OPRK1: variants seen among roughly 807,000 people sequenced by gnomAD.
The protein encoded by OPRK1 is opioid receptor kappa 1.
Under a neutral mutation model 24.5 loss-of-function variants are expected in OPRK1, and 15 were observed. The ratio of observed to expected loss-of-function variants is 0.61; its 90% CI spans 0.41 to 0.94. The LOEUF (loss-of-function observed/expected upper bound fraction) is 0.94. Ranked by LOEUF, OPRK1 falls within the 40% of genes least tolerant of loss-of-function variation. The probability of loss-of-function intolerance (pLI) is 0.00; values close to 1 mark genes in which losing one functional copy is unlikely to be tolerated. For synonymous variants in OPRK1, 205 were observed against 198.0 expected (o/e 1.04, Z -0.30); for missense variants, 479 against 507.3 (o/e 0.94, Z 0.54).
At position 53,229,323 on chromosome 8, in the gene OPRK1, T is replaced by A; in HGVS notation, c.1117A>T (p.Ile373Phe). Residue 373 changes from isoleucine (I) to phenylalanine (F), a missense_variant, in exon 4 of 4, where the codon ATC becomes TTC. Transcript: ENST00000265572. Reference sequence around the variant, plus strand: ...CATACTGGTTTATTCATCCCATCGATGTCCCTCAGGTAAGCAGGATCCTGA... The same window carrying A: ...CATACTGGTTTATTCATCCCATCGAAGTCCCTCAGGTAAGCAGGATCCTGA... ...TVQDPAYLRD[I>F]DGMNKPV is the part of the protein sequence containing the mutation. 6.2e-7 allele frequency: 1 copy of A among 1,614,028 alleles called. No homozygotes were observed. Among genetic ancestry groups the A allele is most frequent in the Non-Finnish European group, 8.5e-7 (1 of 1,179,888 alleles).
At position 53,234,758 on chromosome 8, in the gene OPRK1, C is replaced by T. The variant is rs746394206; in HGVS notation, c.610+1G>A. ...GAACAGAATGAAATGACTGCTCTTACCTTCCCTGACTTTGGTGCCTCCAAG... is the reference window on the plus strand; with the variant it reads ...GAACAGAATGAAATGACTGCTCTTATCTTCCCTGACTTTGGTGCCTCCAAG... On this transcript the variant is annotated splice_donor_variant, in intron 3 of 3. Transcript: ENST00000265572. LOFTEE classifies it high-confidence loss of function. 5.0e-6 allele frequency: 8 copies of T among 1,607,168 alleles called. No homozygotes were observed. The highest frequency in any genetic ancestry group is 4.4e-5 in the South Asian group (4 of 90,916).
At chr8:53,234,478 C>T (rs951773666) in intron 3 of OPRK1, among the ~76,000 whole-genome samples, 5 of 152,158 alleles carry the variant, frequency 3.3e-5, no homozygotes, top group African/African-American at 9.7e-5. Flanking sequence ...CCTGTGGTTT[C>T]TTACCTCATC....
rs200802656 is a variant in OPRK1 at position 53,227,402 on chromosome 8, G to A, written c.*1895C>T. 2 of 152,014 alleles carry A rather than the reference G, an allele frequency of 1.3e-5. No homozygotes were observed. The highest frequency in any genetic ancestry group is 6.6e-5 in the Admixed American group (1 of 15,244). 9.4% of individuals were successfully genotyped at this position (152,014 alleles called of 1,614,324 possible). A position where few individuals can be genotyped will look rare whatever the true frequency, so the allele number is the denominator to read the frequency against. ...CTCTTGGGTTTTCCTGTTCCATAAA[G>A]AAGTTTTTATATTTCCTATTTCACC... is the stretch of plus-strand genomic sequence containing the variant. On this transcript the variant is annotated 3_prime_UTR_variant, in exon 4 of 4. Coordinates refer to ENST00000265572, the MANE Select transcript of OPRK1 (RefSeq NM_000912.5).
chr8:53,231,504 T>C (rs1806852209), intron 3 of OPRK1, among the ~76,000 whole-genome samples: 1 of 152,200 alleles, frequency 6.6e-6, no homozygotes, highest in Non-Finnish European at 1.5e-5. Flanking sequence ...GTCTCTTAAA[T>C]TGTCCTCTCC....
chr8:53,228,465 T>C lies in OPRK1; in HGVS notation c.*832A>G, dbSNP rs1477193635. 6.6e-6 allele frequency: 1 copy of C among 152,146 alleles called. No homozygotes were observed. Among genetic ancestry groups the C allele is most frequent in the Non-Finnish European group, 1.5e-5 (1 of 68,028 alleles). The allele number at this position is 152,146 out of a possible 1,614,324, so 9.4% of individuals were successfully genotyped here. On this transcript the variant is annotated 3_prime_UTR_variant, in exon 4 of 4. Transcript: ENST00000265572. The stretch of plus-strand genomic sequence containing the variant: ...ATATCATTAGTGTGCCCTCAGGAAA[T>C]TGCCTGGCTGGGAGGCAAGCCTATT...
In OPRK1 at chr8:53,250,930, G is replaced by C. The variant is rs199902624; in HGVS notation, c.108C>G (p.Pro36=). ...SSAWFPGWAE[P]DSNGSAGSED... is the part of the protein sequence containing the mutation. ...CCGAGCCGGCGCTGCCGTTGCTGTC[G>C]GGCTCGGCCCAGCCGGGAAACCAGG... The change falls in exon 2 of 4, where the codon CCC becomes CCG. Residue 36 remains proline, a synonymous_variant. Transcript: ENST00000265572. The C allele has an allele frequency of 3.7e-6, 6 of 1,611,656 alleles. No homozygotes were observed. Among genetic ancestry groups the C allele is most frequent in the Middle Eastern group, 1.7e-4 (1 of 6,054 alleles).
intron 2 of OPRK1, among the ~76,000 whole-genome samples, chr8:53,243,093 T>C (rs536725787): frequency 6.6e-6 from 1 of 152,364 alleles, no homozygotes; most frequent in South Asian, 2.1e-4. Flanking sequence ...AATGTTATTC[T>C]GAAACTATCT....
At chr8:53,238,545 G>A in intron 2 of OPRK1, 1 of 985,146 alleles carries the variant, frequency 1.0e-6, no homozygotes, top group Non-Finnish European at 1.2e-6. Context: ...TGAGCACCGG[G>A]AAGGCTATGG....
In OPRK1 at chr8:53,229,424, C is replaced by A; in HGVS notation, c.1016G>T (p.Arg339Leu). The A allele has an allele frequency of 6.2e-7, 1 of 1,614,178 alleles. No individual in the cohort carries two copies. Among genetic ancestry groups the A allele is most frequent in the Non-Finnish European group, 8.5e-7 (1 of 1,180,042 alleles). Residue 339 changes from arginine (R) to leucine (L), a missense_variant, in exon 4 of 4, where the codon CGG becomes CTG. By Grantham distance (102) the Arg-to-Leu change is moderately radical. Coordinates refer to ENST00000265572, the MANE Select transcript of OPRK1 (RefSeq NM_000912.5). ...LYAFLDENFK[R>L]CFRDFCFPLK... ...TGGAAAGCAGAAGTCCCGGAAACAC[C>A]GCTTGAAGTTTTCATCAAGAAAGGC... is the stretch of plus-strand genomic sequence containing the variant.
chr8:53,228,072 G>A lies in OPRK1; in HGVS notation c.*1225C>T, dbSNP rs1036495971. ...ATCCTCAGCAGGTATGCCCTTCACA[G>A]AATGCCATGCAGGATGTGTCCTGGC... On this transcript the variant is annotated 3_prime_UTR_variant, in exon 4 of 4. Coordinates refer to ENST00000265572, the MANE Select transcript of OPRK1 (RefSeq NM_000912.5). 2 of 152,184 alleles carry A rather than the reference G, an allele frequency of 1.3e-5. No homozygotes were observed. Among genetic ancestry groups the A allele is most frequent in the African/African-American group, 2.4e-5 (1 of 41,440 alleles). The allele number at this position is 152,184 out of a possible 1,614,324, so 9.4% of individuals were successfully genotyped here.
rs141443289 is a variant in OPRK1, at chr8:53,246,138, G to C, written c.257+4643C>G. On this transcript the variant is annotated intron_variant, in intron 2 of 3. Coordinates refer to ENST00000265572, the MANE Select transcript of OPRK1 (RefSeq NM_000912.5). ...GAGCATTTAGGAAACCTCAGAGGAA[G>C]GGCAATCTGTGCAGGGGAGCAAGGA... is the stretch of plus-strand genomic sequence containing the variant. Among the ~76,000 whole-genome samples, 11 of 152,314 alleles carry C rather than the reference G, an allele frequency of 7.2e-5. No homozygotes were observed. In the East Asian group the frequency reaches 2.1e-3, roughly 29 times the overall value.
rs11988467 is a variant in OPRK1 at position 53,228,964 on chromosome 8, G to A, written c.*333C>T. 0.23 allele frequency: 42,317 copies of A among 185,812 alleles called. 6,799 individuals carry two copies. Among genetic ancestry groups the A allele is most frequent in the African/African-American group, 0.48 (20,459 of 42,754 alleles). 11.5% of individuals were successfully genotyped at this position (185,812 alleles called of 1,614,324 possible). A position where few individuals can be genotyped will look rare whatever the true frequency, so the allele number is the denominator to read the frequency against. On this transcript the variant is annotated 3_prime_UTR_variant, in exon 4 of 4. Coordinates refer to ENST00000265572, the MANE Select transcript of OPRK1 (RefSeq NM_000912.5). ...TCTTAAACCGAGCTTTTGAAACTAC[G>A]TTTCATAGGAAGGCCACAGCAGATG...
In OPRK1 at chr8:53,229,465, C is replaced by G; in HGVS notation, c.975G>C (p.Leu325=). ...CAAGAAAGGCGTAGAGAATGGGATTCAGGCTACTGTTGGTATAGCCTAAGG... is the reference window on the plus strand; with the variant it reads ...CAAGAAAGGCGTAGAGAATGGGATTGAGGCTACTGTTGGTATAGCCTAAGG... ...CIALGYTNSS[L]NPILYAFLDE... Residue 325 remains leucine (L), a synonymous_variant, in exon 4 of 4, where the codon CTG becomes CTC. Coordinates refer to ENST00000265572, the MANE Select transcript of OPRK1 (RefSeq NM_000912.5). 1 of 1,614,208 alleles carries G rather than the reference C, an allele frequency of 6.2e-7. No individual in the cohort carries two copies. The highest frequency in any genetic ancestry group is 8.5e-7 in the Non-Finnish European group (1 of 1,180,030).
At chr8:53,243,022 C>T in intron 2 of OPRK1, 1 of 1,175,244 alleles carries the variant, frequency 8.5e-7, no homozygotes, top group South Asian at 1.6e-5. Context: ...TAAACCAGCA[C>T]CCCCTCCAAA....
chr8:53,246,208 G>A (rs1271274280), intron 2 of OPRK1, among the ~76,000 whole-genome samples: 3 of 152,102 alleles, frequency 2.0e-5, no homozygotes, highest in East Asian at 1.9e-4. Flanking sequence ...GGTGCTATTC[G>A]AGAAAGTGAG....
chr8:53,242,773 T>G, intron 2 of OPRK1: 1 of 1,178,236 alleles, frequency 8.5e-7, no homozygotes, highest in Non-Finnish European at 1.1e-6. Flanking sequence ...CCCAAAGTGC[T>G]GGGATTACGG....
chr8:53,251,355 C>T (rs1807394938), intron 1 of OPRK1, 93 bp downstream of exon 1: 1 of 420,172 alleles, frequency 2.4e-6, no homozygotes, highest in East Asian at 4.6e-5. Flanking sequence ...TGGAACTGTC[C>T]CCAGACTGCC....
chr8:53,231,639 A>G (rs1806856225), intron 3 of OPRK1, among the ~76,000 whole-genome samples: 1 of 152,184 alleles, frequency 6.6e-6, no homozygotes. Context: ...GAACTGCCTT[A>G]GTGGAGAAAC....
chr8:53,246,239 T>C (rs1456338418), intron 2 of OPRK1, among the ~76,000 whole-genome samples: 1 of 152,060 alleles, frequency 6.6e-6, no homozygotes, highest in Non-Finnish European at 1.5e-5. Context: ...CACCCAAGCA[T>C]GCCAGACCCT....
Sources: allele counts gnomAD v4.1 joint callset (sites outside exome capture counted in the v4.1 genomes callset), GRCh38; gene constraint gnomAD v4.1.1; transcripts MANE v1.5; gene names NCBI Gene and HGNC (gene_info 2026-07-23, HGNC 2026-07-21).